PDE4B: variants seen among roughly 807,000 people sequenced by gnomAD.
PDE4B encodes phosphodiesterase 4B, also known as 3',5'-cyclic-AMP phosphodiesterase 4B.
Under a neutral mutation model 82.2 loss-of-function variants are expected in PDE4B, and 20 were observed. That is an observed-to-expected ratio of 0.24 (90% CI 0.17 to 0.35). The LOEUF is 0.35. Among genes scored for constraint, PDE4B ranks in the 10% least tolerant of loss-of-function variants. PDE4B has a pLI of 1.00. For missense variants in PDE4B, 655 were observed against 907.2 expected, an observed-to-expected ratio of 0.72 and a Z score of 3.57; for synonymous variants, 320 against 318.9, an observed-to-expected ratio of 1.00 and a Z score of -0.04.
chr1:65,992,837 C>T, intron 3 of PDE4B: 2 of 1,557,594 alleles, frequency 1.3e-6, no homozygotes, highest in Middle Eastern at 1.7e-4. Context: ...GTCTTCTGAC[C>T]TGCAGCAGTG....
intron 3 of PDE4B, among the ~76,000 whole-genome samples, chr1:65,980,170 C>T (rs1219910673): frequency 6.6e-6 from 1 of 152,066 alleles, no homozygotes; most frequent in Non-Finnish European, 1.5e-5. Context: ...ATATAAAATA[C>T]ATTTGAAAAC....
At chr1:65,848,520 G>A (rs72933436) in intron 1 of PDE4B, among the ~76,000 whole-genome samples, 1 of 152,046 alleles carries the variant, frequency 6.6e-6, no homozygotes, top group African/African-American at 2.4e-5. Context: ...ATTATCTTAA[G>A]AGTCTCTTGT....
chr1:65,963,435 C>T (rs1411945336), intron 3 of PDE4B, among the ~76,000 whole-genome samples: 1 of 152,170 alleles, frequency 6.6e-6, no homozygotes, highest in East Asian at 1.9e-4. Context: ...TTGAGGTGTC[C>T]CTCATTGCAC....
rs375811138 is a variant in PDE4B, at chr1:66,004,333, A to G, written c.281+85498A>G. Among the ~76,000 whole-genome samples, 33 of 152,254 alleles carry G rather than the reference A, an allele frequency of 2.2e-4. No homozygotes were observed. The East Asian group carries it at 6.4e-3, about 29-fold the overall frequency. On this transcript the variant is annotated intron_variant, in intron 3 of 16. Transcript: ENST00000341517. The stretch of plus-strand genomic sequence containing the variant: ...TTAATTAAATCAGTTTCATTGAGCA[A>G]ATGTGGTGCATCTTAAATCCATTCT...
At chr1:66,048,552 T>A (rs1004840256) in intron 3 of PDE4B, among the ~76,000 whole-genome samples, 23 of 151,924 alleles carry the variant, frequency 1.5e-4, no homozygotes, top group Non-Finnish European at 2.5e-4. Flanking sequence ...ACAAAGAAAG[T>A]AGTCTAGGAG....
chr1:65,961,570 A>G (rs1051196308), intron 3 of PDE4B, among the ~76,000 whole-genome samples: 6 of 152,206 alleles, frequency 3.9e-5, no homozygotes, highest in Non-Finnish European at 8.8e-5. Context: ...CCAAATAAAT[A>G]TAATTATCCA....
intron 3 of PDE4B, among the ~76,000 whole-genome samples, chr1:66,055,728 C>A (rs1655257869): frequency 6.6e-6 from 1 of 152,060 alleles, no homozygotes; most frequent in African/African-American, 2.4e-5. Flanking sequence ...TAAAAGCATA[C>A]TTTTTCATCA....
At chr1:65,856,859 G>A (rs1646399126) in intron 1 of PDE4B, among the ~76,000 whole-genome samples, 1 of 152,158 alleles carries the variant, frequency 6.6e-6, no homozygotes, top group African/African-American at 2.4e-5. Flanking sequence ...CCTCAGGAAA[G>A]TCTTAACACT....
intron 3 of PDE4B, among the ~76,000 whole-genome samples, chr1:66,087,930 A>G (rs1259418058): frequency 6.6e-6 from 1 of 151,166 alleles, no homozygotes; most frequent in Non-Finnish European, 1.5e-5. Flanking sequence ...ATGACGAGTT[A>G]GTGGGTGCAG....
At chr1:66,104,709 A>T (rs1398253511) in intron 3 of PDE4B, among the ~76,000 whole-genome samples, 3 of 148,224 alleles carry the variant, frequency 2.0e-5, no homozygotes, top group Non-Finnish European at 4.5e-5. Flanking sequence ...GCATTTTTTC[A>T]TGTGTTTTTT....
At chr1:66,363,773 A>T (rs1242103748) in intron 12 of PDE4B, among the ~76,000 whole-genome samples, 1 of 152,172 alleles carries the variant, frequency 6.6e-6, no homozygotes, top group East Asian at 1.9e-4. Context: ...TCTCTAAAAA[A>T]ATAAAAATAA....
intron 1 of PDE4B, among the ~76,000 whole-genome samples, chr1:65,882,058 T>G (rs1439655711): frequency 6.6e-6 from 1 of 152,188 alleles, no homozygotes; most frequent in Non-Finnish European, 1.5e-5. Context: ...AATAAAATAC[T>G]GAATTTATTA....
intron 3 of PDE4B, among the ~76,000 whole-genome samples, chr1:65,945,264 A>T (rs1235440792): frequency 6.6e-6 from 1 of 151,926 alleles, no homozygotes; most frequent in Non-Finnish European, 1.5e-5. Flanking sequence ...CAGCTTCTGG[A>T]TGGTGTGGTG....
chr1:65,855,120 C>A (rs1053253853), intron 1 of PDE4B, among the ~76,000 whole-genome samples: 2 of 149,712 alleles, frequency 1.3e-5, no homozygotes, highest in African/African-American at 4.9e-5. Flanking sequence ...ATAATATCTG[C>A]TTTTACATTC....
At chr1:65,877,569 C>G (rs1203151166) in intron 1 of PDE4B, among the ~76,000 whole-genome samples, 1 of 151,828 alleles carries the variant, frequency 6.6e-6, no homozygotes, top group Non-Finnish European at 1.5e-5. Flanking sequence ...GAGCCAAGAT[C>G]ATGCCACTGT....
chr1:66,032,808 C>T (rs1239727229), intron 3 of PDE4B, among the ~76,000 whole-genome samples: 2 of 152,056 alleles, frequency 1.3e-5, no homozygotes, highest in East Asian at 3.9e-4. Flanking sequence ...GCGCCTGCCA[C>T]CACGCCCGGC....
chr1:65,947,029 G>A (rs905051083), intron 3 of PDE4B, among the ~76,000 whole-genome samples: 1 of 151,954 alleles, frequency 6.6e-6, no homozygotes, highest in Admixed American at 6.6e-5. Flanking sequence ...TAGAACACAC[G>A]TTTCTTTCCA....
intron 3 of PDE4B, among the ~76,000 whole-genome samples, chr1:66,058,773 C>G (rs1655434008): frequency 6.6e-6 from 1 of 152,152 alleles, no homozygotes; most frequent in African/African-American, 2.4e-5. Flanking sequence ...GGCCATGAAA[C>G]CATTTTTTCC....
chr1:66,066,646 AT>A (rs1309896067), intron 3 of PDE4B, among the ~76,000 whole-genome samples: 1 of 151,922 alleles, frequency 6.6e-6, no homozygotes, highest in African/African-American at 2.4e-5. Flanking sequence ...GACTTTCTTC[AT>A]TCTGGCTTAA....
Sources: gnomAD v4.1 joint callset for allele counts (sites outside exome capture counted in the v4.1 genomes callset) on GRCh38, gnomAD v4.1.1 for gene constraint, MANE v1.5 for transcripts, NCBI Gene and HGNC (gene_info 2026-07-23, HGNC 2026-07-21) for gene names.